Variants in FHOD3 observed in about 807,000 individuals in gnomAD.
FHOD3 encodes FH1/FH2 domain-containing protein 3.
Under a neutral mutation model 173.0 loss-of-function variants are expected in FHOD3, and 90 were observed. The observed-to-expected ratio is 0.52, with a 90% CI of 0.44 to 0.62. FHOD3 has a LOEUF of 0.62. Among genes scored for constraint, FHOD3 ranks in the 20% least tolerant of loss-of-function variants. FHOD3 has a pLI of 0.00. For missense variants in FHOD3, 1,945 were observed against 2,034.7 expected, an observed-to-expected ratio of 0.96 and a Z score of 0.85; for synonymous variants, 828 against 823.0, an observed-to-expected ratio of 1.01 and a Z score of -0.10.
chr18:36,450,585 A>G (rs964770826), intron 3 of FHOD3, among the ~76,000 whole-genome samples: 1 of 151,994 alleles, frequency 6.6e-6, no homozygotes, highest in African/African-American at 2.4e-5. Context: ...TGAGGCCAGG[A>G]GTTCGAGACC....
Position 36,693,349 on chromosome 18 carries a change from G to C in FHOD3, c.2162G>C (p.Ser721Thr), listed in dbSNP as rs374836945. 1 of 1,613,940 alleles carries C rather than the reference G, an allele frequency of 6.2e-7. No homozygotes were observed. The highest frequency in any genetic ancestry group is 1.1e-5 in the South Asian group (1 of 91,062). Residue 721 changes from serine to threonine, a missense_variant, in exon 17 of 29, where the codon AGC becomes ACC. By Grantham distance (58) the Ser-to-Thr change is moderately conservative (BLOSUM62 1). This residue lies in a region of FHOD3 where 1,099 missense variants were observed against 1,051.2 expected (regional missense o/e 1.05). Coordinates refer to ENST00000590592, the MANE Select transcript of FHOD3 (RefSeq NM_001281740.3). ...APACLAPLSH[S>T]PSSSDSQEAL... ...GCCTGCCTGGCTCCTCTGAGCCATA[G>C]CCCCTCATCTTCAGACTCTCAAGAG...
chr18:36,768,505 G>A (rs976045730), intron 27 of FHOD3, among the ~76,000 whole-genome samples: 21 of 152,190 alleles, frequency 1.4e-4, no homozygotes, highest in African/African-American at 5.1e-4. Context: ...ATATACTTGG[G>A]AGTACTGGAA....
At position 36,545,905 on chromosome 18, in the gene FHOD3, A is replaced by G. The variant is rs1022328803; in HGVS notation, c.512-30546A>G. Among the ~76,000 whole-genome samples, 6 of 152,368 alleles carry G rather than the reference A, an allele frequency of 3.9e-5. No individual in the cohort carries two copies. The East Asian group carries it at 1.2e-3, about 29-fold the overall frequency. On this transcript the variant is annotated intron_variant, in intron 5 of 28. Coordinates refer to ENST00000590592, the MANE Select transcript of FHOD3 (RefSeq NM_001281740.3). ...TTAAAAAGTTGGCTTATACCCCCAC[A>G]ACTATCAGAAATGCAGCTAACAGAG...
intron 14 of FHOD3, among the ~76,000 whole-genome samples, chr18:36,661,469 G>T (rs1027026490): frequency 6.6e-6 from 1 of 152,114 alleles, no homozygotes; most frequent in East Asian, 1.9e-4. Context: ...ATGAGGATGC[G>T]CGTCTTCTGT....
At chr18:36,591,113 C>T (rs548803915) in intron 6 of FHOD3, among the ~76,000 whole-genome samples, 4 of 152,330 alleles carry the variant, frequency 2.6e-5, no homozygotes, top group East Asian at 1.9e-4. Context: ...CAGCCCTAAA[C>T]GTACAAAGCA....
At chr18:36,455,408 A>C (rs1399806906) in intron 3 of FHOD3, among the ~76,000 whole-genome samples, 1 of 152,192 alleles carries the variant, frequency 6.6e-6, no homozygotes, top group East Asian at 1.9e-4. Flanking sequence ...AAGAAGTGGG[A>C]AACATTTTCA....
At chr18:36,540,637 G>A (rs2057172034) in intron 5 of FHOD3, among the ~76,000 whole-genome samples, 2 of 152,192 alleles carry the variant, frequency 1.3e-5, no homozygotes. Context: ...TTGGGAGAGG[G>A]TGAGATAGAA....
intron 3 of FHOD3, among the ~76,000 whole-genome samples, chr18:36,378,243 A>G (rs2047544501): frequency 6.6e-6 from 1 of 152,178 alleles, no homozygotes; most frequent in African/African-American, 2.4e-5. Context: ...GGAGACTCCC[A>G]GTGCTTGGTC....
At chr18:36,563,629 A>G (rs538542485) in intron 5 of FHOD3, among the ~76,000 whole-genome samples, 7 of 152,344 alleles carry the variant, frequency 4.6e-5, no homozygotes, top group African/African-American at 1.2e-4. Flanking sequence ...GAAGTAAGAA[A>G]TGGTGGAGAT....
intron 14 of FHOD3, among the ~76,000 whole-genome samples, chr18:36,659,538 C>T (rs182949602): frequency 1.3e-5 from 2 of 152,300 alleles, no homozygotes; most frequent in Admixed American, 6.5e-5. Context: ...CAGACTGATA[C>T]GACGTTGCAC....
intron 7 of FHOD3, 125 bp downstream of exon 7, chr18:36,595,023 T>G: frequency 1.6e-6 from 1 of 620,214 alleles, no homozygotes; most frequent in Non-Finnish European, 2.8e-6. Flanking sequence ...GACTTCCCAC[T>G]GCAAGAAACG....
intron 3 of FHOD3, among the ~76,000 whole-genome samples, chr18:36,462,482 C>T (rs2052614508): frequency 1.3e-5 from 2 of 152,080 alleles, no homozygotes; most frequent in Non-Finnish European, 2.9e-5. Flanking sequence ...CAGGATCCTG[C>T]CACCACGCCC....
intron 3 of FHOD3, among the ~76,000 whole-genome samples, chr18:36,404,598 T>G (rs1008247540): frequency 2.6e-5 from 4 of 152,092 alleles, no homozygotes; most frequent in Non-Finnish European, 5.9e-5. Flanking sequence ...ATTTGGTAGG[T>G]CTCGGGCGGG....
chr18:36,346,958 A>T (rs2045904717), intron 1 of FHOD3, among the ~76,000 whole-genome samples: 1 of 152,192 alleles, frequency 6.6e-6, no homozygotes, highest in South Asian at 2.1e-4. Flanking sequence ...AAAACAACAG[A>T]AACAACACAG....
chr18:36,502,615 T>C (rs1002699566), intron 4 of FHOD3, among the ~76,000 whole-genome samples: 26 of 152,310 alleles, frequency 1.7e-4, no homozygotes, highest in African/African-American at 5.5e-4. Flanking sequence ...TGGGGGTATA[T>C]GTGCCACATT....
chr18:36,568,074 A>T (rs947062982), intron 5 of FHOD3, among the ~76,000 whole-genome samples: 3 of 151,466 alleles, frequency 2.0e-5, no homozygotes, highest in African/African-American at 7.3e-5. Flanking sequence ...CTGTAATCCC[A>T]GCACTTTGGG....
At chr18:36,471,793 C>T (rs891260703) in intron 3 of FHOD3, among the ~76,000 whole-genome samples, 4 of 152,094 alleles carry the variant, frequency 2.6e-5, no homozygotes, top group African/African-American at 9.7e-5. Context: ...TTGCAGCACG[C>T]GGAAAGGTTT....
chr18:36,455,136 T>C (rs1161714910), intron 3 of FHOD3, among the ~76,000 whole-genome samples: 1 of 152,160 alleles, frequency 6.6e-6, no homozygotes, highest in Non-Finnish European at 1.5e-5. Flanking sequence ...AGTGCATGTG[T>C]CCAATCTGCC....
chr18:36,711,144 G>A (rs1444713795), intron 18 of FHOD3: 3 of 152,156 alleles, frequency 2.0e-5, no homozygotes, highest in Non-Finnish European at 2.9e-5. Context: ...CTTCAGTGCT[G>A]TTATGAGAGT....
Sources: gnomAD v4.1 joint callset for allele counts (sites outside exome capture counted in the v4.1 genomes callset) on GRCh38, gnomAD v4.1.1 for gene constraint, gnomAD v4.1.1 regional missense constraint, MANE v1.5 for transcripts, NCBI Gene and HGNC (gene_info 2026-07-23, HGNC 2026-07-21) for gene names.